The following ADAM19 variants were observed in gnomAD, a reference collection of about 807,000 sequenced individuals.
ADAM19 encodes disintegrin and metalloproteinase domain-containing protein 19.
In ADAM19, 65 loss-of-function variants were observed where a neutral mutation model predicts 114.7. The ratio of observed to expected loss-of-function variants is 0.57; its 90% confidence interval spans 0.46 to 0.70. The LOEUF (loss-of-function observed/expected upper bound fraction) is 0.70, where lower values mean the gene tolerates loss of function less well. Among genes scored for constraint, ADAM19 ranks in the 30% least tolerant of loss-of-function variants. The pLI, the probability that ADAM19 is intolerant of heterozygous loss-of-function variation, is 0.00. For missense variants in ADAM19, 1,063 were observed against 1,204.7 expected (o/e 0.88, Z 1.74); for synonymous variants, 466 against 460.5 (o/e 1.01, Z -0.15).
intron 21 of ADAM19, among the ~76,000 whole-genome samples, chr5:157,484,582 G>A (rs1754871156): frequency 2.0e-5 from 3 of 152,156 alleles, no homozygotes; most frequent in South Asian, 2.1e-4. Flanking sequence ...CACATAGAGA[G>A]GGCAGGAATA....
intron 5 of ADAM19, among the ~76,000 whole-genome samples, chr5:157,526,755 G>C (rs1412377004): frequency 6.6e-6 from 1 of 151,972 alleles, no homozygotes; most frequent in Non-Finnish European, 1.5e-5. Flanking sequence ...CAAATAGCTG[G>C]GACTACAGGC....
chr5:157,503,959 G>C (rs1186898124), intron 11 of ADAM19, among the ~76,000 whole-genome samples: 2 of 152,216 alleles, frequency 1.3e-5, no homozygotes, highest in Non-Finnish European at 2.9e-5. Flanking sequence ...CAAAAGGAGA[G>C]TTATCCTGCT....
In ADAM19 at chr5:157,503,189, G is replaced by A. The variant is rs562700982; in HGVS notation, c.1131-209C>T. 2.0e-5 allele frequency among the ~76,000 whole-genome samples: 3 copies of A among 152,270 alleles called. No individual in the cohort carries two copies. The East Asian group carries it at 5.8e-4, about 29-fold the overall frequency. The stretch of plus-strand genomic sequence containing the variant: ...TTCATCCCTTGAGTTCGTGTCCTTA[G>A]TAGGGACATGGATGAAGCTGGAAAC... On this transcript the variant is annotated intron_variant, in intron 11 of 22. Transcript: ENST00000257527.
intron 3 of ADAM19, among the ~76,000 whole-genome samples, chr5:157,549,107 G>A (rs1757123676): frequency 6.6e-6 from 1 of 152,130 alleles, no homozygotes; most frequent in Non-Finnish European, 1.5e-5. Context: ...TTCTTCAGTG[G>A]GGAGGGGTGG....
At position 157,530,808 on chromosome 5, in the gene ADAM19, T is replaced by C; in HGVS notation, c.406A>G (p.Arg136Gly). 6.2e-7 allele frequency: 1 copy of C among 1,613,940 alleles called. No individual in the cohort carries two copies. The highest frequency in any genetic ancestry group is 1.1e-5 in the South Asian group (1 of 91,070). ...ACCTGCAGCCTCAGGGTCTCTTACC[T>C]AATTCCTCGGCAAGTGCTGAGCGTG... Reference protein sequence around the residue: ...SVTLSTCRGIRGLITVSSNLS... With the variant: ...SVTLSTCRGIGGLITVSSNLS... The change falls in exon 5 of 23, where the codon AGA (arginine) becomes GGA (glycine). Residue 136 changes from arginine (R) to glycine (G), a missense_variant and splice_region_variant. Around this residue, in one of 3 missense-constraint regions of ADAM19, gnomAD observed 615 missense variants for 706.3 expected, o/e 0.87. Coordinates refer to ENST00000257527, the MANE Select transcript of ADAM19 (RefSeq NM_033274.5).
chr5:157,518,979 A>G, intron 6 of ADAM19, 91 bp from the exon 7 acceptor site: 1 of 1,031,666 alleles, frequency 9.7e-7, no homozygotes, highest in Non-Finnish European at 1.5e-6. Flanking sequence ...CTGGATAAGC[A>G]GCAGCTACCT....
chr5:157,535,878 G>A (rs1756748883), intron 4 of ADAM19, among the ~76,000 whole-genome samples: 1 of 152,252 alleles, frequency 6.6e-6, no homozygotes, highest in African/African-American at 2.4e-5. Flanking sequence ...TCAGAGGAGA[G>A]TGTTTGAAGG....
chr5:157,525,576 C>A (rs568940570), intron 5 of ADAM19, among the ~76,000 whole-genome samples: 71 of 152,290 alleles, frequency 4.7e-4, no homozygotes, highest in African/African-American at 1.6e-3. Context: ...CTCACCCCCA[C>A]TGACCACCCA....
At position 157,489,088 on chromosome 5, in the gene ADAM19, T is replaced by A; in HGVS notation, c.2325+14A>T. ...AAGGAAAAGTAGCAAAGTTCAGTGGTGCAAAGCTCTTACCTTTCGCTTGCC... is the reference window on the plus strand; with the variant it reads ...AAGGAAAAGTAGCAAAGTTCAGTGGAGCAAAGCTCTTACCTTTCGCTTGCC... On this transcript the variant is annotated intron_variant, in intron 20 of 22. Coordinates refer to ENST00000257527, the MANE Select transcript of ADAM19 (RefSeq NM_033274.5). The A allele has an allele frequency of 6.2e-7, 1 of 1,611,478 alleles. No individual in the cohort carries two copies. Among genetic ancestry groups the A allele is most frequent in the Non-Finnish European group, 8.5e-7 (1 of 1,177,664 alleles).
intron 5 of ADAM19, among the ~76,000 whole-genome samples, chr5:157,528,554 G>A (rs1015591790): frequency 6.6e-6 from 1 of 152,188 alleles, no homozygotes; most frequent in African/African-American, 2.4e-5. Context: ...CTTAAGCAGA[G>A]GGGATTTGGG....
At chr5:157,490,483 T>C in intron 18 of ADAM19, 29 bp from the exon 19 acceptor site, 1 of 1,608,782 alleles carries the variant, frequency 6.2e-7, no homozygotes, top group Non-Finnish European at 8.5e-7. Context: ...AAGTGGGAGA[T>C]TTAGAAGCTG....
At chr5:157,545,366 T>C (rs763746062) in intron 3 of ADAM19, among the ~76,000 whole-genome samples, 2 of 152,332 alleles carry the variant, frequency 1.3e-5, no homozygotes, top group Middle Eastern at 3.4e-3. Context: ...TCAAGATCCC[T>C]GCCCTTGCCT....
chr5:157,490,233 C>T lies in ADAM19; in HGVS notation c.2240+77G>A, dbSNP rs940490739. 75 of 1,550,394 alleles carry T rather than the reference C, an allele frequency of 4.8e-5. No homozygotes were observed. The South Asian group carries it at 7.8e-4, about 16-fold the overall frequency. ...TGAATTAGACCCACTATCACCAACA[C>T]TTTTGCTAAGTACCATTTATGGAGA... is the stretch of plus-strand genomic sequence containing the variant. On this transcript the variant is annotated intron_variant, in intron 19 of 22. Transcript: ENST00000257527.
chr5:157,494,895 G>T, intron 14 of ADAM19, 100 bp from the exon 15 acceptor site: 1 of 896,238 alleles, frequency 1.1e-6, no homozygotes, highest in Non-Finnish European at 1.7e-6. Context: ...ATATTTTCTG[G>T]GAGGGAATAC....
chr5:157,527,670 A>T (rs1191047084), intron 5 of ADAM19, among the ~76,000 whole-genome samples: 1 of 152,166 alleles, frequency 6.6e-6, no homozygotes, highest in Non-Finnish European at 1.5e-5. Flanking sequence ...GGGGACACAG[A>T]GCCAAACCAT....
At chr5:157,486,832 G>A (rs1754950547) in intron 21 of ADAM19, among the ~76,000 whole-genome samples, 1 of 152,044 alleles carries the variant, frequency 6.6e-6, no homozygotes, top group Non-Finnish European at 1.5e-5. Context: ...CTAACCCTGA[G>A]TACCTCAGAA....
At chr5:157,487,665 T>TG (rs201169622) in intron 21 of ADAM19, among the ~76,000 whole-genome samples, 1 of 151,832 alleles carries the variant, frequency 6.6e-6, no homozygotes, top group African/African-American at 2.4e-5. Context: ...CCAGGGCTGG[T>TG]GGGGGAGAGT....
chr5:157,574,502 G>A (rs1463053533), intron 1 of ADAM19, among the ~76,000 whole-genome samples: 6 of 152,184 alleles, frequency 3.9e-5, no homozygotes, highest in Admixed American at 3.9e-4. Flanking sequence ...TGTCGGAAGA[G>A]CTCTCAGCCT....
In ADAM19 at chr5:157,497,046, C is replaced by A. The variant is rs1283633183; in HGVS notation, c.1442G>T (p.Cys481Phe). The A allele has an allele frequency of 1.3e-6, 2 of 1,571,930 alleles. No individual in the cohort carries two copies. The highest frequency in any genetic ancestry group is 8.6e-7 in the Non-Finnish European group (1 of 1,162,848). ...GTLCREQARQ[C>F]DLPEFCTGKS... ...GCCCGTACAGAACTCCGGGAGGTCA[C>A]ACTGCCTGGCCTGCTCGCGGCACAG... The change falls in exon 14 of 23, where the codon TGT (cysteine) becomes TTT (phenylalanine). Residue 481 changes from cysteine to phenylalanine, a missense_variant. This residue lies in a region of ADAM19 where 615 missense variants were observed against 706.3 expected (regional missense o/e 0.87). Coordinates refer to ENST00000257527, the MANE Select transcript of ADAM19 (RefSeq NM_033274.5).
Sources: gnomAD v4.1 joint callset for allele counts (sites outside exome capture counted in the v4.1 genomes callset) on GRCh38, gnomAD v4.1.1 for gene constraint, gnomAD v4.1.1 regional missense constraint, MANE v1.5 for transcripts, NCBI Gene and HGNC (gene_info 2026-07-23, HGNC 2026-07-21) for gene names.